The following IGSF10 variants were observed in gnomAD, a reference collection of about 807,000 sequenced individuals.
The protein encoded by IGSF10 is calvaria mechanical force protein 608.
IGSF10 carries 126 observed loss-of-function variants against 128.2 expected under a neutral mutation model. The ratio of observed to expected loss-of-function variants is 0.98; its 90% CI spans 0.85 to 1.14. IGSF10 has a LOEUF of 1.14. IGSF10 is among the 50% of genes most tolerant of loss of function. The probability of loss-of-function intolerance (pLI) is 0.00; values close to 1 mark genes in which losing one functional copy is unlikely to be tolerated. For missense variants in IGSF10, 3,295 were observed against 3,149.8 expected (o/e 1.05, Z -1.10); for synonymous variants, 1,185 against 1,146.2 (o/e 1.03, Z -0.68).
At chr3:151,475,137 G>C in the IGSF10 span, among the ~76,000 whole-genome samples, 6 of 152,136 alleles carry the variant, frequency 3.9e-5, no homozygotes, top group Non-Finnish European at 5.9e-5. Flanking sequence ...TCCATTGAGA[G>C]TTAATAGTCT....
chr3:151,618,664 A>G, the IGSF10 span, among the ~76,000 whole-genome samples: 1 of 151,988 alleles, frequency 6.6e-6, no homozygotes, highest in Non-Finnish European at 1.5e-5. Context: ...CAGGAGGCGG[A>G]GCTTACAGTG....
chr3:151,440,643 G>C, intron 7 of IGSF10: 1 of 456,658 alleles, frequency 2.2e-6, no homozygotes. Flanking sequence ...CTTTCCTAAT[G>C]CTTTCTAAAA....
chr3:151,467,674 G>C, the IGSF10 span, among the ~76,000 whole-genome samples: 1 of 152,014 alleles, frequency 6.6e-6, no homozygotes. Flanking sequence ...CACGAGGTCA[G>C]GAGATCGAGA....
At chr3:151,526,851 G>A in the IGSF10 span, among the ~76,000 whole-genome samples, 2 of 152,014 alleles carry the variant, frequency 1.3e-5, no homozygotes, top group African/African-American at 4.8e-5. Context: ...TCTGTATCAG[G>A]TGCTTGGGCA....
the IGSF10 span, among the ~76,000 whole-genome samples, chr3:151,471,600 C>T: frequency 0.85 from 128,558 of 151,802 alleles, 54,651 homozygotes; most frequent in Middle Eastern, 0.92. Context: ...ATAGCAGATG[C>T]GCTTTTGGAA....
At chr3:151,559,853 G>T in the IGSF10 span, among the ~76,000 whole-genome samples, 3 of 152,110 alleles carry the variant, frequency 2.0e-5, no homozygotes, top group African/African-American at 4.8e-5. Context: ...GGGTTCTTAG[G>T]GGGTGGAGCA....
At chr3:151,465,604 C>T (rs546366517), upstream of IGSF10, among the ~76,000 whole-genome samples, 8 of 152,226 alleles carry the variant, frequency 5.3e-5, no homozygotes, top group Admixed American at 2.6e-4. Flanking sequence ...TTAGTGAATA[C>T]GGCAGCTTGT....
rs1449043687 is a variant in IGSF10, at chr3:151,437,285, A to C, written c.7276T>G (p.Leu2426Val). ...KVGYIEKLVILEIGQKPVILT... is the reference protein window; with the variant it reads ...KVGYIEKLVIVEIGQKPVILT... ...ATAACTGGCTTCTGGCCAATTTCTAATATGACTAATTTCTCAATATAGCCA... is the reference window on the plus strand; with the variant it reads ...ATAACTGGCTTCTGGCCAATTTCTACTATGACTAATTTCTCAATATAGCCA... The change falls in exon 8 of 8, where the codon TTA becomes GTA. Residue 2426 changes from leucine (L) to valine (V), a missense_variant. Leu to Val is a conservative substitution (Grantham distance 32). Coordinates refer to ENST00000282466, the MANE Select transcript of IGSF10 (RefSeq NM_178822.5). 2 of 1,614,144 alleles carry C rather than the reference A, an allele frequency of 1.2e-6. No individual in the cohort carries two copies. The highest frequency in any genetic ancestry group is 1.1e-5 in the South Asian group (1 of 91,080).
chr3:151,501,085 A>T, the IGSF10 span, among the ~76,000 whole-genome samples: 1 of 152,124 alleles, frequency 6.6e-6, no homozygotes, highest in Non-Finnish European at 1.5e-5. Context: ...CCACAGTGGT[A>T]ACAAAAGCCT....
the IGSF10 span, among the ~76,000 whole-genome samples, chr3:151,470,580 TCTTTAGGA>T: frequency 2.6e-5 from 4 of 152,228 alleles, no homozygotes; most frequent in Admixed American, 2.6e-4. Context: ...ACAGCCCTCA[TCTTTAGGA>T]CTTCCAAATT....
At chr3:151,487,004 T>TAG in the IGSF10 span, among the ~76,000 whole-genome samples, 126,950 of 151,910 alleles carry the variant, frequency 0.84, 53,241 homozygotes, top group Middle Eastern at 0.94. Context: ...CTGAAGGAGA[T>TAG]AGACATGAAA....
At chr3:151,579,884 AAGGAAGG>A in the IGSF10 span, among the ~76,000 whole-genome samples, 1 of 150,812 alleles carries the variant, frequency 6.6e-6, no homozygotes, top group African/African-American at 2.4e-5. Flanking sequence ...GAAAGGAAGG[AAGGAAGG>A]AAGGAAGGAA....
In IGSF10 at chr3:151,443,160, T is replaced by A; in HGVS notation, c.5787A>T (p.Val1929=). 6.2e-7 allele frequency: 1 copy of A among 1,614,278 alleles called. No individual in the cohort carries two copies. The highest frequency in any genetic ancestry group is 8.5e-7 in the Non-Finnish European group (1 of 1,180,046). The change falls in exon 7 of 8, where the codon GTA becomes GTT. Residue 1929 remains valine (V), a synonymous_variant. Transcript: ENST00000282466. ...ATSSTGSERR[V]VMLTMEERVT... Reference sequence around the variant, plus strand: ...CTCGCTCTTCCATTGTAAGCATTACTACTCTTCGCTCCGAACCAGTGGAAC... The same window carrying A: ...CTCGCTCTTCCATTGTAAGCATTACAACTCTTCGCTCCGAACCAGTGGAAC...
In IGSF10 at chr3:151,437,988, T is replaced by C. The variant is rs1322879068; in HGVS notation, c.6573A>G (p.Thr2191=). 3.7e-6 allele frequency: 6 copies of C among 1,614,064 alleles called. No individual in the cohort carries two copies. Among genetic ancestry groups the C allele is most frequent in the Non-Finnish European group, 5.1e-6 (6 of 1,180,040 alleles). ...DMISFSIDRY[T]FHANGSLTIN... is the part of the protein sequence containing the mutation. ...TGGTCAAAGACCCATTGGCATGAAA[T>C]GTGTACCTATCAATGGAGAAGGAAA... The change falls in exon 8 of 8, where the codon ACA becomes ACG. Residue 2191 remains threonine, a synonymous_variant. Transcript: ENST00000282466.
chr3:151,471,252 T>C, the IGSF10 span, among the ~76,000 whole-genome samples: 77,395 of 151,952 alleles, frequency 0.51, 20,327 homozygotes, highest in African/African-American at 0.64. Context: ...AACTGTGAGT[T>C]AATTAAAAAC....
the IGSF10 span, among the ~76,000 whole-genome samples, chr3:151,502,077 A>T: frequency 1.3e-5 from 2 of 152,052 alleles, no homozygotes; most frequent in African/African-American, 2.4e-5. Flanking sequence ...ACATGTCTAA[A>T]ATGTATTACT....
upstream of IGSF10, among the ~76,000 whole-genome samples, chr3:151,464,882 G>A (rs1722227226): frequency 6.6e-6 from 1 of 152,152 alleles, no homozygotes; most frequent in Admixed American, 6.5e-5. Flanking sequence ...CAATACAGTT[G>A]CAACTCAACC....
chr3:151,438,654 T>G (rs1468454648), intron 7 of IGSF10, 57 bp from the exon 8 acceptor site: 1 of 1,399,678 alleles, frequency 7.1e-7, no homozygotes, highest in African/African-American at 1.4e-5. Context: ...GGGAAACTGT[T>G]TTACTCAGGA....
Position 151,436,591 on chromosome 3 carries a change from A to G in IGSF10, c.*98T>C. 1 of 790,814 alleles carries G rather than the reference A, an allele frequency of 1.3e-6. No homozygotes were observed. Among genetic ancestry groups the G allele is most frequent in the Non-Finnish European group, 2.1e-6 (1 of 486,418 alleles). 49.0% of individuals were successfully genotyped at this position (790,814 alleles called of 1,614,324 possible). On this transcript the variant is annotated 3_prime_UTR_variant, in exon 8 of 8. Coordinates refer to ENST00000282466, the MANE Select transcript of IGSF10 (RefSeq NM_178822.5). ...GTTCATTGTAAATTTAATACTGTAA[A>G]TGTATTCAAATTCATTTACATGCCT...
Sources: allele counts gnomAD v4.1 joint callset (sites outside exome capture counted in the v4.1 genomes callset), GRCh38; gene constraint gnomAD v4.1.1; transcripts MANE v1.5; gene names NCBI Gene and HGNC (gene_info 2026-07-23, HGNC 2026-07-21).